SUMF1: variants seen among roughly 807,000 people sequenced by gnomAD.
The protein encoded by SUMF1 is sulfatase modifying factor 1.
SUMF1 carries 48 observed loss-of-function variants against 47.6 expected under a neutral mutation model. That is an observed-to-expected ratio of 1.01 (90% CI 0.80 to 1.28). SUMF1 has a LOEUF of 1.28. SUMF1 is among the 50% of genes most tolerant of loss of function. The probability of loss-of-function intolerance (pLI) is 0.00; values close to 1 mark genes in which losing one functional copy is unlikely to be tolerated. For synonymous variants in SUMF1, 230 were observed against 192.1 expected (o/e 1.20, Z -1.63); for missense variants, 571 against 485.4 (o/e 1.18, Z -1.66).
chr3:4,392,489 A>C (rs926295125), intron 7 of SUMF1, among the ~76,000 whole-genome samples: 2 of 151,736 alleles, frequency 1.3e-5, no homozygotes, highest in South Asian at 4.2e-4. Flanking sequence ...TGTTTATTAC[A>C]TTTTAGCTGA....
At chr3:4,376,219 T>C in intron 8 of SUMF1, 111 bp downstream of exon 8, 1 of 1,296,340 alleles carries the variant, frequency 7.7e-7, no homozygotes, top group Non-Finnish European at 1.1e-6. Context: ...TCAGTGGGGT[T>C]AGGTAGGCAT....
intron 8 of SUMF1, chr3:4,316,152 G>T: frequency 1.6e-6 from 1 of 614,304 alleles, no homozygotes; most frequent in African/African-American, 1.8e-5. Flanking sequence ...CCATTTTAAT[G>T]AGCATTTCTT....
intron 7 of SUMF1, among the ~76,000 whole-genome samples, chr3:4,406,858 T>C (rs1701392234): frequency 6.6e-6 from 1 of 152,206 alleles, no homozygotes; most frequent in Non-Finnish European, 1.5e-5. Flanking sequence ...TAGAATGTTA[T>C]ATAACCTCTA....
At chr3:4,428,031 CTG>C (rs767205965) in intron 3 of SUMF1, among the ~76,000 whole-genome samples, 19 of 152,060 alleles carry the variant, frequency 1.2e-4, no homozygotes, top group Non-Finnish European at 2.5e-4. Flanking sequence ...AAATAAGTAA[CTG>C]TAAATTGGTA....
intron 8 of SUMF1, among the ~76,000 whole-genome samples, chr3:4,323,504 TTTAA>T (rs1256594043): frequency 6.6e-6 from 1 of 151,832 alleles, no homozygotes; most frequent in Non-Finnish European, 1.5e-5. Context: ...TAAAAAGCAT[TTTAA>T]TTAGGTGGAT....
At chr3:4,165,589 G>A (rs1485136983) in intron 8 of SUMF1, among the ~76,000 whole-genome samples, 1 of 152,026 alleles carries the variant, frequency 6.6e-6, no homozygotes, top group Non-Finnish European at 1.5e-5. Flanking sequence ...TGGACATAAG[G>A]TATTTCACTC....
intron 3 of SUMF1, among the ~76,000 whole-genome samples, chr3:4,437,605 T>C (rs563385536): frequency 2.0e-5 from 3 of 152,166 alleles, no homozygotes; most frequent in Non-Finnish European, 4.4e-5. Context: ...CTATATATTA[T>C]TTACAATGAT....
intron 3 of SUMF1, among the ~76,000 whole-genome samples, chr3:4,438,159 A>C (rs1417418075): frequency 1.3e-5 from 2 of 152,014 alleles, no homozygotes; most frequent in Non-Finnish European, 2.9e-5. Flanking sequence ...TAATTATTTC[A>C]TTTTATAAAT....
intron 8 of SUMF1, among the ~76,000 whole-genome samples, chr3:4,373,345 TA>T (rs1178966570): frequency 4.0e-5 from 6 of 151,776 alleles, no homozygotes; most frequent in African/African-American, 1.5e-4. Flanking sequence ...ATAAATACAA[TA>T]ACTCAAATGA....
chr3:4,230,658 C>T (rs1437822357), intron 8 of SUMF1, among the ~76,000 whole-genome samples: 7 of 151,972 alleles, frequency 4.6e-5, no homozygotes, highest in African/African-American at 9.7e-5. Context: ...AATCATTGCC[C>T]GCTGGTGATT....
rs578036971 is a variant in SUMF1, at chr3:4,238,297, C to T, written c.1014+138033G>A. ...ATTCCTTTGGGTATATACCCAGTAACGGGATTGCTGGGTCAAATGTTATTT... is the reference window on the plus strand; with the variant it reads ...ATTCCTTTGGGTATATACCCAGTAATGGGATTGCTGGGTCAAATGTTATTT... On this transcript the variant is annotated intron_variant and NMD_transcript_variant, in intron 8 of 12. Coordinates refer to the SUMF1 transcript ENST00000448413. Among the ~76,000 whole-genome samples the T allele has an allele frequency of 3.0e-4, 46 of 152,138 alleles. 1 individual carries two copies. The highest frequency in any genetic ancestry group is 4.6e-4 in the Admixed American group (7 of 15,276).
intron 8 of SUMF1, among the ~76,000 whole-genome samples, chr3:4,271,876 G>A (rs762982428): frequency 1.4e-4 from 22 of 151,944 alleles, no homozygotes; most frequent in Non-Finnish European, 2.9e-4. Context: ...GGAGTTCCTC[G>A]GAATTCTGCT....
chr3:4,157,129 C>G (rs1694470544), intron 8 of SUMF1, among the ~76,000 whole-genome samples: 1 of 151,468 alleles, frequency 6.6e-6, no homozygotes, highest in South Asian at 2.1e-4. Flanking sequence ...TGTGTCTACC[C>G]CATTTAATTT....
chr3:4,073,991 A>G (rs1252446869), intron 8 of SUMF1, among the ~76,000 whole-genome samples: 1 of 152,174 alleles, frequency 6.6e-6, no homozygotes, highest in Non-Finnish European at 1.5e-5. Flanking sequence ...ATGCGGACCT[A>G]ATAGACATCT....
chr3:4,461,253 T>C (rs2079808233), intron 1 of SUMF1, among the ~76,000 whole-genome samples: 1 of 147,570 alleles, frequency 6.8e-6, no homozygotes, highest in Non-Finnish European at 1.5e-5. Flanking sequence ...GGTTGTCCAT[T>C]ATTCTCACTA....
At chr3:4,340,564 C>A (rs952618872) in intron 8 of SUMF1, among the ~76,000 whole-genome samples, 9 of 152,062 alleles carry the variant, frequency 5.9e-5, no homozygotes, top group Non-Finnish European at 1.3e-4. Flanking sequence ...AGGGATGTTG[C>A]CAGAGAGGAC....
chr3:4,412,753 C>T (rs2582342), intron 6 of SUMF1, among the ~76,000 whole-genome samples: 36,181 of 151,902 alleles, frequency 0.24, 5,599 homozygotes, highest in Non-Finnish European at 0.34. Context: ...CAGGCAGGTG[C>T]ATGGTGCACG....
intron 8 of SUMF1, among the ~76,000 whole-genome samples, chr3:4,267,856 T>C (rs1697227885): frequency 6.7e-6 from 1 of 149,232 alleles, no homozygotes; most frequent in South Asian, 2.2e-4. Flanking sequence ...GAACTAGAAA[T>C]ACCATTTGAC....
At chr3:4,224,054 G>A (rs1415157104) in intron 8 of SUMF1, among the ~76,000 whole-genome samples, 1 of 152,116 alleles carries the variant, frequency 6.6e-6, no homozygotes, top group South Asian at 2.1e-4. Context: ...AAAAGAACCA[G>A]GGGCCGGGGG....
Sources: gnomAD v4.1 joint callset for allele counts (sites outside exome capture counted in the v4.1 genomes callset) on GRCh38, gnomAD v4.1.1 for gene constraint, MANE v1.5 for transcripts, NCBI Gene and HGNC (gene_info 2026-07-23, HGNC 2026-07-21) for gene names.